CRACD: variants seen among roughly 807,000 people sequenced by gnomAD.
CRACD encodes capping protein inhibiting regulator of actin dynamics, also known as capping protein-inhibiting regulator of actin dynamics.
CRACD carries 56 observed loss-of-function variants against 106.8 expected under a neutral mutation model. The observed-to-expected ratio is 0.52, with a 90% CI of 0.42 to 0.66. The LOEUF (loss-of-function observed/expected upper bound fraction) is 0.66. Among genes scored for constraint, CRACD ranks in the 30% least tolerant of loss-of-function variants. The probability of loss-of-function intolerance (pLI) is 0.00; values close to 1 mark genes in which losing one functional copy is unlikely to be tolerated. For missense variants in CRACD, 1,730 were observed against 1,623.2 expected, an observed-to-expected ratio of 1.07 and a Z score of -1.13; for synonymous variants, 754 against 670.8, an observed-to-expected ratio of 1.12 and a Z score of -1.92.
chr4:56,262,643 C>A (rs897754439), intron 2 of CRACD, among the ~76,000 whole-genome samples: 1 of 152,142 alleles, frequency 6.6e-6, no homozygotes, highest in African/African-American at 2.4e-5. Context: ...TACTGTTTCT[C>A]ACAGGGTGAG....
chr4:56,221,332 A>G (rs6850102), intron 2 of CRACD, among the ~76,000 whole-genome samples: 1 of 152,182 alleles, frequency 6.6e-6, no homozygotes, highest in Non-Finnish European at 1.5e-5. Flanking sequence ...TATTAAGGGG[A>G]AAAAAGAATA....
intron 8 of CRACD, among the ~76,000 whole-genome samples, chr4:56,320,259 C>T (rs1359401405): frequency 6.6e-6 from 1 of 152,122 alleles, no homozygotes; most frequent in Non-Finnish European, 1.5e-5. Context: ...AAGGAATGCC[C>T]TTTGGGAGTA....
intron 1 of CRACD, among the ~76,000 whole-genome samples, chr4:56,168,919 G>A (rs984671): frequency 0.27 from 41,036 of 151,978 alleles, 5,750 homozygotes; most frequent in South Asian, 0.3. Flanking sequence ...CCTAATGACC[G>A]TTTATCACAT....
At chr4:56,196,636 A>T (rs1737624822) in intron 2 of CRACD, among the ~76,000 whole-genome samples, 1 of 152,228 alleles carries the variant, frequency 6.6e-6, no homozygotes, top group African/African-American at 2.4e-5. Flanking sequence ...CCTCTGCACT[A>T]AACTCCTTTT....
At chr4:56,091,385 C>G (rs1287631817) in intron 1 of CRACD, among the ~76,000 whole-genome samples, 2 of 149,236 alleles carry the variant, frequency 1.3e-5, no homozygotes, top group Non-Finnish European at 3.0e-5. Context: ...TTTTTAAACG[C>G]AGGCATATGT....
At chr4:56,135,075 A>G (rs1173418201) in intron 1 of CRACD, among the ~76,000 whole-genome samples, 2 of 152,262 alleles carry the variant, frequency 1.3e-5, no homozygotes, top group South Asian at 4.1e-4. Context: ...CAAGGTCAAG[A>G]GTTCAAGACC....
intron 1 of CRACD, among the ~76,000 whole-genome samples, chr4:56,110,722 G>A (rs1208143697): frequency 6.6e-6 from 1 of 151,932 alleles, no homozygotes; most frequent in Non-Finnish European, 1.5e-5. Flanking sequence ...TCAGCCTCCC[G>A]AGTAGCTGGG....
chr4:56,050,611 C>T (rs1301285318), intron 1 of CRACD, among the ~76,000 whole-genome samples: 1 of 152,020 alleles, frequency 6.6e-6, no homozygotes, highest in Non-Finnish European at 1.5e-5. Context: ...TCTCCTTTAT[C>T]CTTTGGGAAA....
At position 56,257,931 on chromosome 4, in the gene CRACD, A is replaced by C. The variant is rs774570641; in HGVS notation, c.-188-14390A>C. ...CTTAAAATACAAAAATTAGCCGGGC[A>C]TGGTGGCGCGTGCCTGTAGTCCTAG... On this transcript the variant is annotated intron_variant, in intron 2 of 10. Coordinates refer to ENST00000682029, the MANE Select transcript of CRACD (RefSeq NM_001393381.1). Among the ~76,000 whole-genome samples, 20 of 151,968 alleles carry C rather than the reference A, an allele frequency of 1.3e-4. 1 individual carries two copies. The highest frequency in any genetic ancestry group is 2.2e-4 in the Non-Finnish European group (15 of 67,948).
chr4:56,308,290 G>C (rs1744884499), intron 5 of CRACD, among the ~76,000 whole-genome samples: 1 of 61,774 alleles, frequency 1.6e-5, no homozygotes, highest in Non-Finnish European at 4.8e-5. Context: ...TGGAAAGAAA[G>C]TCACATTCCA....
intron 1 of CRACD, among the ~76,000 whole-genome samples, chr4:56,150,996 A>G (rs114905230): frequency 0.03 from 4,613 of 152,114 alleles, 225 homozygotes; most frequent in African/African-American, 0.1. Flanking sequence ...TCTTTTTTAT[A>G]TATGTATATA....
At chr4:56,113,573 G>A (rs1734189125) in intron 1 of CRACD, among the ~76,000 whole-genome samples, 1 of 152,070 alleles carries the variant, frequency 6.6e-6, no homozygotes, top group African/African-American at 2.4e-5. Context: ...GGAAATGAGG[G>A]AGCTAAGACG....
At chr4:56,204,665 A>G (rs12646746) in intron 2 of CRACD, among the ~76,000 whole-genome samples, 10,087 of 152,270 alleles carry the variant, frequency 0.066, 1,144 homozygotes, top group East Asian at 0.52. Context: ...TTTCACTCCT[A>G]GGATGATATA....
intron 4 of CRACD, among the ~76,000 whole-genome samples, chr4:56,301,614 C>T (rs1744374099): frequency 6.6e-6 from 1 of 152,006 alleles, no homozygotes. Flanking sequence ...CTTCGAGTTC[C>T]TAGAGACCCA....
chr4:56,315,245 CCAG>C lies in CRACD; in HGVS notation c.1746_1748del (p.Gln582del). On this transcript the variant is annotated inframe_deletion, in exon 8 of 11. Transcript: ENST00000682029. This position sits in a 1 kb window ranked among gnomAD's most constrained non-coding sequence, Gnocchi z 4.1. ...CAAAGGCCCCCAAAGCCAGCCCAGT[CCAG>C]CACGCCCTACCGTCGTCCCTGAGCG... is the stretch of plus-strand genomic sequence containing the variant. 6.2e-7 allele frequency: 1 copy of C among 1,602,992 alleles called. No individual in the cohort carries two copies. The highest frequency in any genetic ancestry group is 8.5e-7 in the Non-Finnish European group (1 of 1,175,026).
At chr4:56,252,306 C>T (rs559623656) in intron 2 of CRACD, among the ~76,000 whole-genome samples, 44 of 152,224 alleles carry the variant, frequency 2.9e-4, no homozygotes, top group Non-Finnish European at 5.7e-4. Flanking sequence ...CACCACCAAA[C>T]TCTTTGAACG....
intron 2 of CRACD, among the ~76,000 whole-genome samples, chr4:56,255,728 G>C (rs73162416): frequency 0.036 from 5,477 of 152,254 alleles, 336 homozygotes; most frequent in African/African-American, 0.12. Flanking sequence ...CCCTTCTAAG[G>C]TGAAAGATAA....
At chr4:56,273,216 G>A (rs906187156) in intron 3 of CRACD, among the ~76,000 whole-genome samples, 6 of 152,032 alleles carry the variant, frequency 3.9e-5, no homozygotes, top group African/African-American at 1.5e-4. Context: ...GGCACAGGTG[G>A]TCACCCTTCA....
chr4:56,077,019 G>A (rs1732861601), intron 1 of CRACD, among the ~76,000 whole-genome samples: 2 of 152,138 alleles, frequency 1.3e-5, no homozygotes, highest in South Asian at 4.1e-4. Context: ...GAGTATAAGA[G>A]TATGCTAGTG....
Sources: gnomAD v4.1 joint callset for allele counts (sites outside exome capture counted in the v4.1 genomes callset) on GRCh38, gnomAD v4.1.1 for gene constraint, Gnocchi (gnomAD v3.1) non-coding constraint, MANE v1.5 for transcripts, NCBI Gene and HGNC (gene_info 2026-07-23, HGNC 2026-07-21) for gene names.